The following THSD7A variants were observed in gnomAD, a reference collection of about 807,000 sequenced individuals.
THSD7A encodes the protein thrombospondin type-1 domain-containing protein 7A.
A neutral mutation model predicts 231.3 loss-of-function variants in THSD7A; 96 were observed. The observed-to-expected ratio is 0.41, with a 90% CI of 0.35 to 0.49. The LOEUF (loss-of-function observed/expected upper bound fraction) is 0.49, where lower values mean the gene tolerates loss of function less well. Ranked by LOEUF, THSD7A falls within the 20% of genes least tolerant of loss-of-function variation. THSD7A has a pLI of 0.05. For synonymous variants in THSD7A, 940 were observed against 743.3 expected (o/e 1.26, Z -4.30); for missense variants, 2,290 against 2,070.2 (o/e 1.11, Z -2.06).
At chr7:11,600,682 G>C (rs931417231) in intron 2 of THSD7A, among the ~76,000 whole-genome samples, 15 of 152,144 alleles carry the variant, frequency 9.9e-5, no homozygotes, top group Admixed American at 4.6e-4. Flanking sequence ...AGAGCCATCT[G>C]GTCCAATGGG....
intron 4 of THSD7A, among the ~76,000 whole-genome samples, chr7:11,583,039 T>C (rs1791235036): frequency 6.6e-6 from 1 of 152,130 alleles, no homozygotes; most frequent in Non-Finnish European, 1.5e-5. Context: ...TGTCAACTTC[T>C]ATTCTCAGTG....
chr7:11,505,692 A>AAC (rs1311679171), intron 6 of THSD7A, among the ~76,000 whole-genome samples: 1 of 152,208 alleles, frequency 6.6e-6, no homozygotes, highest in Non-Finnish European at 1.5e-5. Context: ...GAATGCATAC[A>AAC]ACATTGGGTG....
At chr7:11,397,736 G>T (rs6954337) in intron 23 of THSD7A, among the ~76,000 whole-genome samples, 1,894 of 152,088 alleles carry the variant, frequency 0.012, 52 homozygotes, top group African/African-American at 0.043. Flanking sequence ...TGAAAAAGTG[G>T]GCGAAGAATA....
At chr7:11,775,065 A>T (rs544169907) in intron 1 of THSD7A, among the ~76,000 whole-genome samples, 1 of 152,108 alleles carries the variant, frequency 6.6e-6, no homozygotes. Context: ...AAAACAAAAC[A>T]AACAAAAAAC....
At chr7:11,731,696 T>C (rs1781741373) in intron 1 of THSD7A, among the ~76,000 whole-genome samples, 1 of 151,580 alleles carries the variant, frequency 6.6e-6, no homozygotes, top group South Asian at 2.1e-4. Flanking sequence ...CACCTATAAA[T>C]CAGAAACATA....
At chr7:11,746,591 C>G (rs755862317) in intron 1 of THSD7A, among the ~76,000 whole-genome samples, 1 of 151,794 alleles carries the variant, frequency 6.6e-6, no homozygotes, top group Admixed American at 6.6e-5. Context: ...TCATGATTAA[C>G]CTGTGGTTAC....
In THSD7A at chr7:11,737,372, A is replaced by G. The variant is rs143641140; in HGVS notation, c.190+94385T>C. 5.0e-3 allele frequency among the ~76,000 whole-genome samples: 755 copies of G among 152,080 alleles called. 4 individuals are homozygous for G. The highest frequency in any genetic ancestry group is 9.4e-3 in the Admixed American group (143 of 15,256). On this transcript the variant is annotated intron_variant, in intron 1 of 27. Coordinates refer to ENST00000423059, the MANE Select transcript of THSD7A (RefSeq NM_015204.3). ...CAGCATAGGGCACGGTGAGGCTCTTAGCCAGGCTTGATGTGTGAAAGGTCA... is the reference window on the plus strand; with the variant it reads ...CAGCATAGGGCACGGTGAGGCTCTTGGCCAGGCTTGATGTGTGAAAGGTCA...
At chr7:11,711,374 A>C (rs1223246043) in intron 1 of THSD7A, among the ~76,000 whole-genome samples, 1 of 151,012 alleles carries the variant, frequency 6.6e-6, no homozygotes, top group African/African-American at 2.4e-5. Flanking sequence ...AATGCCCCCA[A>C]GTTAACATGG....
chr7:11,808,505 T>C (rs1784451766), intron 1 of THSD7A, among the ~76,000 whole-genome samples: 5 of 152,222 alleles, frequency 3.3e-5, no homozygotes, highest in Admixed American at 2.6e-4. Context: ...TTGGGTATTC[T>C]GTTATAGCAG....
chr7:11,648,556 T>C (rs896242146), intron 1 of THSD7A, among the ~76,000 whole-genome samples: 1 of 151,772 alleles, frequency 6.6e-6, no homozygotes, highest in African/African-American at 2.4e-5. Context: ...TAGCTTAGAA[T>C]AGACAACTCC....
chr7:11,499,733 G>A (rs1462124677), intron 6 of THSD7A, among the ~76,000 whole-genome samples: 1 of 152,148 alleles, frequency 6.6e-6, no homozygotes, highest in Non-Finnish European at 1.5e-5. Context: ...CTTGAAGACT[G>A]GTTCTGTGAA....
Position 11,831,472 on chromosome 7 carries a change from G to A in THSD7A, c.190+285C>T, listed in dbSNP as rs987609398. Among the ~76,000 whole-genome samples, 2 of 152,136 alleles carry A rather than the reference G, an allele frequency of 1.3e-5. No homozygotes were observed. The highest frequency in any genetic ancestry group is 4.8e-5 in the African/African-American group (2 of 41,428). On this transcript the variant is annotated intron_variant, in intron 1 of 27. Transcript: ENST00000423059. The surrounding 1 kb of genome is among the most constrained non-coding windows in gnomAD (Gnocchi z 5.0). ...AAACTCCTAGTAGAATGAAAATCCA[G>A]GGGTTAAAAATAATGCACTTCATCA... is the stretch of plus-strand genomic sequence containing the variant.
intron 1 of THSD7A, among the ~76,000 whole-genome samples, chr7:11,776,648 A>T (rs1310479074): frequency 6.6e-6 from 1 of 152,194 alleles, no homozygotes; most frequent in Non-Finnish European, 1.5e-5. Flanking sequence ...AATTCTTTAT[A>T]CCAGAATTAT....
At chr7:11,745,185 G>T in intron 1 of THSD7A, among the ~76,000 whole-genome samples, 1 of 152,014 alleles carries the variant, frequency 6.6e-6, no homozygotes, top group Non-Finnish European at 1.5e-5. Flanking sequence ...GCATTTCTCT[G>T]ATGGCCAGTG....
At chr7:11,663,158 A>G (rs1057010757) in intron 1 of THSD7A, among the ~76,000 whole-genome samples, 12 of 151,386 alleles carry the variant, frequency 7.9e-5, no homozygotes, top group Admixed American at 7.3e-4. Flanking sequence ...ACTAATATAA[A>G]TGACTAATAT....
chr7:11,755,139 G>A (rs1001816620), intron 1 of THSD7A, among the ~76,000 whole-genome samples: 4 of 152,002 alleles, frequency 2.6e-5, no homozygotes, highest in African/African-American at 4.8e-5. Flanking sequence ...CTAGGGGGCG[G>A]AGGATTGAGG....
At chr7:11,454,182 C>T (rs1413821490) in intron 11 of THSD7A, among the ~76,000 whole-genome samples, 1 of 151,920 alleles carries the variant, frequency 6.6e-6, no homozygotes, top group Non-Finnish European at 1.5e-5. Flanking sequence ...ATGCCTATTT[C>T]AAAGATCCTC....
At chr7:11,577,084 T>A (rs1010787075) in intron 4 of THSD7A, among the ~76,000 whole-genome samples, 2 of 152,192 alleles carry the variant, frequency 1.3e-5, no homozygotes, top group African/African-American at 4.8e-5. Context: ...TATGTATTAA[T>A]GGGAAAACAC....
intron 6 of THSD7A, among the ~76,000 whole-genome samples, chr7:11,512,942 G>GAGATATATATATATATAT (rs1554327829): frequency 9.8e-6 from 1 of 101,974 alleles, no homozygotes; most frequent in Non-Finnish European, 1.9e-5. Flanking sequence ...AAGAAACTAT[G>GAGATATATATATATATAT]ATATATATAT....
Sources: gnomAD v4.1 joint callset for allele counts (sites outside exome capture counted in the v4.1 genomes callset) on GRCh38, gnomAD v4.1.1 for gene constraint, Gnocchi (gnomAD v3.1) non-coding constraint, MANE v1.5 for transcripts, NCBI Gene and HGNC (gene_info 2026-07-23, HGNC 2026-07-21) for gene names.